The following BST1 variants were observed in gnomAD, a reference collection of about 807,000 sequenced individuals.
BST1 encodes the protein ADP-ribosyl cyclase/cyclic ADP-ribose hydrolase 2.
In BST1, 49 loss-of-function variants were observed where a neutral mutation model predicts 40.6. The ratio of observed to expected loss-of-function variants is 1.21; its 90% CI spans 0.96 to 1.53. BST1 has a LOEUF of 1.53. BST1 is among the 40% of genes most tolerant of loss of function. BST1 has a pLI of 0.00. For missense variants in BST1, 423 were observed against 395.9 expected (o/e 1.07, Z -0.58); for synonymous variants, 157 against 159.3 (o/e 0.99, Z 0.11).
intron 3 of BST1, among the ~76,000 whole-genome samples, chr4:15,708,382 G>A (rs1404152303): frequency 6.6e-6 from 1 of 152,170 alleles, no homozygotes; most frequent in Non-Finnish European, 1.5e-5. Context: ...GGAGGTTATA[G>A]CCTCATGGGG....
intron 2 of BST1, among the ~76,000 whole-genome samples, chr4:15,707,265 T>G (rs555688744): frequency 5.9e-5 from 9 of 152,226 alleles, no homozygotes; most frequent in Non-Finnish European, 1.0e-4. Context: ...CACATGCACG[T>G]ATATTTAGTA....
At chr4:15,742,360 G>C (rs942708621), downstream of BST1, among the ~76,000 whole-genome samples, 1 of 152,074 alleles carries the variant, frequency 6.6e-6, no homozygotes, top group Non-Finnish European at 1.5e-5. Context: ...AAAGAGCCTG[G>C]CACCTGTCTC....
the BST1 span, among the ~76,000 whole-genome samples, chr4:15,759,672 A>G: frequency 1.6e-4 from 24 of 150,888 alleles, no homozygotes; most frequent in Admixed American, 1.3e-3. Flanking sequence ...CTATTCTGCC[A>G]ATGGAAACCA....
chr4:15,753,567 G>C, the BST1 span, among the ~76,000 whole-genome samples: 1 of 152,148 alleles, frequency 6.6e-6, no homozygotes, highest in African/African-American at 2.4e-5. Flanking sequence ...AGAATGTTAC[G>C]AGACACAGAG....
chr4:15,710,638 A>G (rs1012093449), intron 3 of BST1, among the ~76,000 whole-genome samples: 2 of 152,158 alleles, frequency 1.3e-5, no homozygotes, highest in African/African-American at 4.8e-5. Flanking sequence ...AACTTCTATG[A>G]GATCAGCTTT....
chr4:15,752,549 G>T, the BST1 span, among the ~76,000 whole-genome samples: 1 of 151,872 alleles, frequency 6.6e-6, no homozygotes, highest in Non-Finnish European at 1.5e-5. Context: ...CCACCATGCA[G>T]AGCTAATTTT....
At chr4:15,772,456 T>G in the BST1 span, among the ~76,000 whole-genome samples, 1 of 152,296 alleles carries the variant, frequency 6.6e-6, no homozygotes, top group Non-Finnish European at 1.5e-5. Context: ...TCAACCAGCA[T>G]TTATAGACAT....
chr4:15,718,866 C>G (rs749106641), intron 6 of BST1, 41 bp from the exon 7 acceptor site: 25 of 1,557,332 alleles, frequency 1.6e-5, no homozygotes, highest in South Asian at 3.4e-5. Context: ...TCTTCCTCCT[C>G]TTATTTGCTT....
intron 6 of BST1, among the ~76,000 whole-genome samples, chr4:15,718,417 G>C (rs920840774): frequency 6.6e-6 from 1 of 152,180 alleles, no homozygotes; most frequent in African/African-American, 2.4e-5. Flanking sequence ...AATGTTAACA[G>C]AGCTATCTCT....
the BST1 span, among the ~76,000 whole-genome samples, chr4:15,744,540 A>G: frequency 6.6e-6 from 1 of 152,334 alleles, no homozygotes; most frequent in African/African-American, 2.4e-5. Flanking sequence ...ACATGGGATT[A>G]TGGGGATTAC....
At chr4:15,751,868 A>G in the BST1 span, among the ~76,000 whole-genome samples, 3 of 152,172 alleles carry the variant, frequency 2.0e-5, no homozygotes, top group Admixed American at 1.3e-4. Flanking sequence ...TCATCACAGC[A>G]CACAGAATCC....
chr4:15,703,126 G>T lies in BST1; in HGVS notation c.-19G>T. The stretch of plus-strand genomic sequence containing the variant: ...GGGGAGTGGAGGAAGCACGGGACTG[G>T]AGGGACCAAAGTTCCCCGATGGCGG... On this transcript the variant is annotated 5_prime_UTR_variant, in exon 1 of 9. Coordinates refer to ENST00000265016, the MANE Select transcript of BST1 (RefSeq NM_004334.3). 2 of 1,584,652 alleles carry T rather than the reference G, an allele frequency of 1.3e-6. No homozygotes were observed. Among genetic ancestry groups the T allele is most frequent in the South Asian group, 1.1e-5 (1 of 87,758 alleles).
the BST1 span, among the ~76,000 whole-genome samples, chr4:15,750,864 A>G: frequency 6.6e-6 from 1 of 152,204 alleles, no homozygotes; most frequent in Non-Finnish European, 1.5e-5. Flanking sequence ...TATATGGCTC[A>G]TATTATATTT....
the BST1 span, among the ~76,000 whole-genome samples, chr4:15,755,899 C>T: frequency 9.2e-5 from 14 of 152,200 alleles, no homozygotes; most frequent in Admixed American, 4.6e-4. Context: ...TAGTCCAAAG[C>T]TTCCAGGGAA....
rs1721420991 is a variant in BST1, at chr4:15,732,572, C to G, written c.*727C>G. 1 of 152,234 alleles carries G rather than the reference C, an allele frequency of 6.6e-6. No individual in the cohort carries two copies. Among genetic ancestry groups the G allele is most frequent in the Non-Finnish European group, 1.5e-5 (1 of 68,064 alleles). The allele number at this position is 152,234 out of a possible 1,614,324, so 9.4% of individuals were successfully genotyped here. ...ACCTCAGGTGATCCACCCACCTCAG[C>G]CTCCCAAAGTGCTAGGATTACAGGC... is the stretch of plus-strand genomic sequence containing the variant. On this transcript the variant is annotated 3_prime_UTR_variant, in exon 9 of 9. Transcript: ENST00000265016.
the BST1 span, among the ~76,000 whole-genome samples, chr4:15,761,354 T>G: frequency 6.6e-6 from 1 of 152,000 alleles, no homozygotes; most frequent in African/African-American, 2.4e-5. Context: ...TGCGTTGTCC[T>G]GTGTGCCACC....
chr4:15,725,941 T>A (rs1275836632), intron 8 of BST1, among the ~76,000 whole-genome samples: 2 of 141,338 alleles, frequency 1.4e-5, no homozygotes, highest in Admixed American at 1.5e-4. Flanking sequence ...ACTTGTGAAG[T>A]GCGGTCTTTT....
rs141809178 is a variant in BST1 at position 15,718,542 on chromosome 4, T to C, written c.705-365T>C. ...AAAACTTCAAATGAATATACTGTAG[T>C]GTAGGGTGAACAAATTGGCAGGTAG... On this transcript the variant is annotated intron_variant, in intron 6 of 8. Coordinates refer to ENST00000265016, the MANE Select transcript of BST1 (RefSeq NM_004334.3). 4.8e-3 allele frequency among the ~76,000 whole-genome samples: 736 copies of C among 152,344 alleles called. 5 individuals are homozygous for C. Among genetic ancestry groups the C allele is most frequent in the African/African-American group, 0.016 (682 of 41,576 alleles).
chr4:15,721,444 C>T (rs1430118293), intron 7 of BST1, among the ~76,000 whole-genome samples: 2 of 152,122 alleles, frequency 1.3e-5, no homozygotes, highest in Admixed American at 6.5e-5. Flanking sequence ...AAAATATGTG[C>T]ATCACATATA....
Sources: allele counts gnomAD v4.1 joint callset (sites outside exome capture counted in the v4.1 genomes callset), GRCh38; gene constraint gnomAD v4.1.1; transcripts MANE v1.5; gene names NCBI Gene and HGNC (gene_info 2026-07-23, HGNC 2026-07-21).